Variants in PEX5 observed in about 807,000 individuals in gnomAD.
The protein encoded by PEX5 is peroxisomal biogenesis factor 5.
A neutral mutation model predicts 82.9 loss-of-function variants in PEX5; 52 were observed. The ratio of observed to expected loss-of-function variants is 0.63; its 90% CI spans 0.50 to 0.79. The LOEUF is 0.79. Ranked by LOEUF, PEX5 falls within the 30% of genes least tolerant of loss-of-function variation. The pLI is 0.00. For synonymous variants in PEX5, 300 were observed against 318.8 expected (o/e 0.94, Z 0.63); for missense variants, 719 against 815.2 (o/e 0.88, Z 1.44).
At chr12:7,190,126 G>T in intron 1 of PEX5, 1 of 1,481,864 alleles carries the variant, frequency 6.7e-7, no homozygotes, top group Non-Finnish European at 8.9e-7. Flanking sequence ...CCGTAGTCGC[G>T]GAGGCCTCTG....
intron 5 of PEX5, among the ~76,000 whole-genome samples, chr12:7,197,960 A>G (rs1943066793): frequency 1.3e-5 from 2 of 152,080 alleles, no homozygotes; most frequent in African/African-American, 2.4e-5. Context: ...TTAGTTCTGG[A>G]CACAGGGCAG....
At chr12:7,199,675 A>G (rs1246869950) in intron 6 of PEX5, among the ~76,000 whole-genome samples, 1 of 150,396 alleles carries the variant, frequency 6.6e-6, no homozygotes, top group East Asian at 1.9e-4. Flanking sequence ...TCTATTCCAC[A>G]AAACCGCCAT....
rs1188111638 is a variant in PEX5 at position 7,203,182 on chromosome 12, T to A, written c.847-250T>A. 3.2e-3 allele frequency among the ~76,000 whole-genome samples: 34 copies of A among 10,478 alleles called. 2 individuals carry two copies. Among genetic ancestry groups the A allele is most frequent in the African/African-American group, 6.8e-3 (34 of 5,022 alleles). 6.9% of individuals were successfully genotyped at this position (10,478 alleles called of 152,430 possible). A position where few individuals can be genotyped will look rare whatever the true frequency, so the allele number is the denominator to read the frequency against. On this transcript the variant is annotated intron_variant, in intron 9 of 15. Transcript: ENST00000675855. Reference sequence around the variant, plus strand: ...TCAAACAAAAAACTAAACTAAACTATGCACTGCACTGCACTGCACTGCACT... The same window carrying A: ...TCAAACAAAAAACTAAACTAAACTAAGCACTGCACTGCACTGCACTGCACT...
intron 10 of PEX5, among the ~76,000 whole-genome samples, chr12:7,206,000 A>T (rs762363074): frequency 1.3e-5 from 2 of 152,234 alleles, no homozygotes; most frequent in Non-Finnish European, 2.9e-5. Context: ...GATGTTCTCA[A>T]TGGCTCTGAG....
rs138706552 is a variant in PEX5, at chr12:7,210,216, C to T, written c.1913C>T (p.Pro638Leu). 2 of 1,614,042 alleles carry T rather than the reference C, an allele frequency of 1.2e-6. No homozygotes were observed. The highest frequency in any genetic ancestry group is 1.7e-5 in the Admixed American group (1 of 60,022). ...LSTLLTMFGL[P>L]Q ...ACCCTCCTAACTATGTTTGGCCTGCCCCAGTGACAGTGGGACGGGCTGCCC... is the reference window on the plus strand; with the variant it reads ...ACCCTCCTAACTATGTTTGGCCTGCTCCAGTGACAGTGGGACGGGCTGCCC... The change falls in exon 16 of 16, where the codon CCC becomes CTC. Residue 638 changes from proline (P) to leucine (L), a missense_variant. By Grantham distance (98) the Pro-to-Leu change is moderately conservative. Coordinates refer to ENST00000675855, the MANE Select transcript of PEX5 (RefSeq NM_001351132.2).
chr12:7,202,049 T>C (rs1944135061), intron 7 of PEX5, 192 bp from the exon 8 acceptor site: 3 of 865,238 alleles, frequency 3.5e-6, no homozygotes, highest in Non-Finnish European at 3.7e-6. Flanking sequence ...TTTTTTCTGA[T>C]GCCTTTGCAA....
chr12:7,193,127 A>G (rs1452999586), intron 5 of PEX5, among the ~76,000 whole-genome samples: 1 of 152,068 alleles, frequency 6.6e-6, no homozygotes, highest in Admixed American at 6.5e-5. Flanking sequence ...TCCCACCCCC[A>G]TTTTATAGAT....
At chr12:7,199,485 A>G (rs369554777) in intron 6 of PEX5, among the ~76,000 whole-genome samples, 8 of 151,066 alleles carry the variant, frequency 5.3e-5, no homozygotes, top group East Asian at 1.9e-4. Context: ...ACCCTGAGTG[A>G]ACACAGCACA....
chr12:7,215,341 A>G (rs1945747148), downstream of PEX5, among the ~76,000 whole-genome samples: 1 of 152,168 alleles, frequency 6.6e-6, no homozygotes, highest in South Asian at 2.1e-4. Flanking sequence ...CAGTTTGGAA[A>G]TTTCTCAAAG....
rs966366035 is a variant in PEX5, at chr12:7,201,590, G to C, written c.552-161G>C. The C allele has an allele frequency of 2.7e-5, 19 of 695,538 alleles. No individual in the cohort carries two copies. The African/African-American group carries it at 3.3e-4, about 12-fold the overall frequency. 43.1% of individuals were successfully genotyped at this position (695,538 alleles called of 1,614,324 possible). On this transcript the variant is annotated intron_variant, in intron 6 of 15. Coordinates refer to ENST00000675855, the MANE Select transcript of PEX5 (RefSeq NM_001351132.2). The stretch of plus-strand genomic sequence containing the variant: ...ATGTAGCTAGTACTTTCACACTCCT[G>C]CCCAAATGTCCTTCTATAATGCAAA...
rs1467480270 is a variant in PEX5, at chr12:7,191,072, TA to T, written c.184-151del. 2.5e-6 allele frequency: 3 copies of T among 1,209,794 alleles called. No homozygotes were observed. In the Admixed American group the frequency reaches 5.1e-5, roughly 21 times the overall value. The allele number at this position is 1,209,794 out of a possible 1,614,324, so 74.9% of individuals were successfully genotyped here. On this transcript the variant is annotated intron_variant, in intron 3 of 15. Transcript: ENST00000675855. Reference sequence around the variant, plus strand: ...TTTTAAATGTATTTTTTCGTCCTTCTAAATCTATGGAAAGACAGTTTCTCTT... The same window carrying T: ...TTTTAAATGTATTTTTTCGTCCTTCTAATCTATGGAAAGACAGTTTCTCTT...
At chr12:7,212,193 G>A (rs4492891), downstream of PEX5, among the ~76,000 whole-genome samples, 67,367 of 151,502 alleles carry the variant, frequency 0.44, 16,041 homozygotes, top group Admixed American at 0.61. Flanking sequence ...TCGAACGCCC[G>A]ACCTCAGGCA....
rs766676245 is a variant in PEX5 at position 7,210,367 on chromosome 12, G to T, written c.*144G>T. On this transcript the variant is annotated 3_prime_UTR_variant, in exon 16 of 16. Coordinates refer to ENST00000675855, the MANE Select transcript of PEX5 (RefSeq NM_001351132.2). The stretch of plus-strand genomic sequence containing the variant: ...TTTCAGGAGCTGCCTCAACGTAGGG[G>T]TGGGTAGTCTGTGTTCTAGTTCCTA... 2 of 735,680 alleles carry T rather than the reference G, an allele frequency of 2.7e-6. No individual in the cohort carries two copies. Among genetic ancestry groups the T allele is most frequent in the Non-Finnish European group, 4.8e-6 (2 of 414,130 alleles). 45.6% of individuals were successfully genotyped at this position (735,680 alleles called of 1,614,324 possible).
chr12:7,209,218 T>G, intron 14 of PEX5, 48 bp downstream of exon 14: 1 of 1,585,076 alleles, frequency 6.3e-7, no homozygotes, highest in Non-Finnish European at 8.7e-7. Flanking sequence ...TGTACCTTAT[T>G]GAAGAGCCAT....
Position 7,210,341 on chromosome 12 carries a change from C to A in PEX5, c.*118C>A. 1 of 885,826 alleles carries A rather than the reference C, an allele frequency of 1.1e-6. No homozygotes were observed. The highest frequency in any genetic ancestry group is 1.9e-6 in the Non-Finnish European group (1 of 538,950). The allele number at this position is 885,826 out of a possible 1,614,324, so 54.9% of individuals were successfully genotyped here. A position where few individuals can be genotyped will look rare whatever the true frequency, so the allele number is the denominator to read the frequency against. On this transcript the variant is annotated 3_prime_UTR_variant, in exon 16 of 16. Transcript: ENST00000675855. ...GGCTGATGACCATAAGCGGTACGGC[C>A]TTTCAGGAGCTGCCTCAACGTAGGG... is the stretch of plus-strand genomic sequence containing the variant.
rs111826229 is a variant in PEX5 at position 7,207,926 on chromosome 12, C to T, written c.1111-84C>T. 4.1e-3 allele frequency: 6,128 copies of T among 1,508,628 alleles called. 175 individuals carry two copies. The African/African-American group carries it at 0.069, about 17-fold the overall frequency. The allele number at this position is 1,508,628 out of a possible 1,614,324, so 93.5% of individuals were successfully genotyped here. On this transcript the variant is annotated intron_variant, in intron 11 of 15. Coordinates refer to ENST00000675855, the MANE Select transcript of PEX5 (RefSeq NM_001351132.2). Reference sequence around the variant, plus strand: ...ATGGCCTAGGATAGGGGCTTGAGAGCGAGATGGTGAGTGGGAGAAGCCAGG... The same window carrying T: ...ATGGCCTAGGATAGGGGCTTGAGAGTGAGATGGTGAGTGGGAGAAGCCAGG...
chr12:7,191,918 G>A (rs879662717), intron 5 of PEX5, among the ~76,000 whole-genome samples: 1 of 152,128 alleles, frequency 6.6e-6, no homozygotes, highest in Admixed American at 6.5e-5. Context: ...TTTGGATAGA[G>A]AGAACGAAGA....
downstream of PEX5, among the ~76,000 whole-genome samples, chr12:7,216,056 C>T (rs1004680811): frequency 1.3e-5 from 2 of 152,168 alleles, no homozygotes; most frequent in Middle Eastern, 3.2e-3. Context: ...CAACCTCTGC[C>T]TCCCCGGTTC....
intron 5 of PEX5, among the ~76,000 whole-genome samples, chr12:7,196,936 C>T (rs188618779): frequency 2.6e-4 from 1 of 3,778 alleles, no homozygotes; most frequent in African/African-American, 3.6e-4. Flanking sequence ...TTATATGTCA[C>T]ATATAATGTA....
Sources: gnomAD v4.1 joint callset for allele counts (sites outside exome capture counted in the v4.1 genomes callset) on GRCh38, gnomAD v4.1.1 for gene constraint, MANE v1.5 for transcripts, NCBI Gene and HGNC (gene_info 2026-07-23, HGNC 2026-07-21) for gene names.